SNTG1: variants seen among roughly 807,000 people sequenced by gnomAD.
The protein encoded by SNTG1 is syntrophin gamma 1.
SNTG1 carries 39 observed loss-of-function variants against 74.7 expected under a neutral mutation model. The ratio of observed to expected loss-of-function variants is 0.52; its 90% CI spans 0.40 to 0.68. The LOEUF (loss-of-function observed/expected upper bound fraction) is 0.68, where lower values mean the gene tolerates loss of function less well. Ranked by LOEUF, SNTG1 falls within the 30% of genes least tolerant of loss-of-function variation. SNTG1 has a pLI of 0.00. For synonymous variants in SNTG1, 254 were observed against 217.1 expected (o/e 1.17, Z -1.49); for missense variants, 685 against 609.5 (o/e 1.12, Z -1.30).
intron 13 of SNTG1, among the ~76,000 whole-genome samples, chr8:50,599,036 C>CTT (rs2094753197): frequency 6.6e-6 from 1 of 151,918 alleles, no homozygotes; most frequent in Non-Finnish European, 1.5e-5. Context: ...TTAATATAGG[C>CTT]ATGCAATGCA....
intron 2 of SNTG1, among the ~76,000 whole-genome samples, chr8:50,253,000 T>C (rs569491214): frequency 6.6e-6 from 1 of 152,264 alleles, no homozygotes; most frequent in African/African-American, 2.4e-5. Flanking sequence ...CCAAGTAGAA[T>C]GTCTATTATA....
intron 1 of SNTG1, among the ~76,000 whole-genome samples, chr8:50,098,258 A>T (rs953119532): frequency 6.6e-6 from 1 of 152,164 alleles, no homozygotes; most frequent in East Asian, 1.9e-4. Context: ...ATTTATCCCA[A>T]TTTCATGAAT....
At chr8:50,437,545 G>A (rs985289553) in intron 4 of SNTG1, among the ~76,000 whole-genome samples, 4 of 152,110 alleles carry the variant, frequency 2.6e-5, no homozygotes, top group Non-Finnish European at 5.9e-5. Flanking sequence ...AATGAGGGAA[G>A]CAATTCATCT....
In SNTG1 at chr8:50,510,905, C is replaced by T. The variant is rs566334078; in HGVS notation, c.466+8025C>T. Among the ~76,000 whole-genome samples, 35 of 152,188 alleles carry T rather than the reference C, an allele frequency of 2.3e-4. No homozygotes were observed. In the South Asian group the frequency reaches 7.3e-3, roughly 32 times the overall value. On this transcript the variant is annotated intron_variant, in intron 9 of 18. Transcript: ENST00000642720. ...TGATTTTTTGAACAGTTTTTTGTGT[C>T]TCTATTTCCTTCATTTCTGCTCTGA...
intron 1 of SNTG1, among the ~76,000 whole-genome samples, chr8:49,960,332 A>G (rs1414482277): frequency 6.6e-6 from 1 of 152,228 alleles, no homozygotes; most frequent in African/African-American, 2.4e-5. Flanking sequence ...AAAGGCAATT[A>G]CAACTGTATT....
At chr8:50,413,196 G>T (rs148893930) in intron 4 of SNTG1, among the ~76,000 whole-genome samples, 11 of 152,130 alleles carry the variant, frequency 7.2e-5, no homozygotes, top group Admixed American at 7.2e-4. Flanking sequence ...AGTTCAAGAG[G>T]GTTATGATCA....
intron 8 of SNTG1, among the ~76,000 whole-genome samples, chr8:50,489,273 TC>T (rs1216804410): frequency 4.6e-5 from 7 of 152,230 alleles, no homozygotes; most frequent in African/African-American, 1.7e-4. Flanking sequence ...TGATTTCTAA[TC>T]CTTTGGTTAT....
At chr8:50,187,886 G>A (rs2083439803) in intron 2 of SNTG1, among the ~76,000 whole-genome samples, 1 of 152,132 alleles carries the variant, frequency 6.6e-6, no homozygotes, top group African/African-American at 2.4e-5. Context: ...CAGGCAGCTG[G>A]CTGATCACCC....
chr8:50,515,862 G>A (rs1021267409), intron 9 of SNTG1, among the ~76,000 whole-genome samples: 29 of 152,156 alleles, frequency 1.9e-4, no homozygotes, highest in South Asian at 8.3e-4. Context: ...GGGAAGGGGC[G>A]GCTGTGGGCA....
At chr8:50,306,048 C>T (rs1405934866) in intron 2 of SNTG1, among the ~76,000 whole-genome samples, 1 of 148,370 alleles carries the variant, frequency 6.7e-6, no homozygotes, top group Admixed American at 6.7e-5. Flanking sequence ...TACCCCCCTC[C>T]CACCCTCCCC....
chr8:50,291,413 G>C (rs910264305), intron 2 of SNTG1, among the ~76,000 whole-genome samples: 5 of 152,140 alleles, frequency 3.3e-5, no homozygotes, highest in Middle Eastern at 3.4e-3. Context: ...TGAATCAAGT[G>C]GGGTAACTAT....
At chr8:50,281,075 C>T (rs1170112784) in intron 2 of SNTG1, among the ~76,000 whole-genome samples, 1 of 151,834 alleles carries the variant, frequency 6.6e-6, no homozygotes, top group Non-Finnish European at 1.5e-5. Flanking sequence ...TTTAATTTCC[C>T]CATTAGAAGA....
At chr8:50,510,197 G>C (rs879723971) in intron 9 of SNTG1, among the ~76,000 whole-genome samples, 5 of 152,158 alleles carry the variant, frequency 3.3e-5, no homozygotes, top group Admixed American at 1.3e-4. Flanking sequence ...TGTTGGTTCT[G>C]TTTATATGCT....
chr8:50,039,278 A>C lies in SNTG1; in HGVS notation c.-103+127047A>C, dbSNP rs185069387. Among the ~76,000 whole-genome samples, 5 of 152,136 alleles carry C rather than the reference A, an allele frequency of 3.3e-5. No homozygotes were observed. In the East Asian group the frequency reaches 9.7e-4, roughly 30 times the overall value. ...AGACCATCCTGGCTAACACGGTGAA[A>C]TACTGTGTCTACTAAAAATGCAAAA... On this transcript the variant is annotated intron_variant, in intron 1 of 18. Coordinates refer to ENST00000642720, the MANE Select transcript of SNTG1 (RefSeq NM_018967.5).
At chr8:50,767,192 A>G (rs1448149946) in intron 18 of SNTG1, among the ~76,000 whole-genome samples, 1 of 151,962 alleles carries the variant, frequency 6.6e-6, no homozygotes, top group Non-Finnish European at 1.5e-5. Flanking sequence ...TCCCAGGGCA[A>G]ATACATCATA....
At chr8:50,489,951 G>A (rs2093836486) in intron 8 of SNTG1, among the ~76,000 whole-genome samples, 1 of 152,132 alleles carries the variant, frequency 6.6e-6, no homozygotes, top group African/African-American at 2.4e-5. Flanking sequence ...TATGTGTTAG[G>A]TGTAAGCAAG....
At chr8:50,286,244 G>T (rs1413620303) in intron 2 of SNTG1, among the ~76,000 whole-genome samples, 5 of 152,122 alleles carry the variant, frequency 3.3e-5, no homozygotes, top group African/African-American at 1.2e-4. Context: ...TGCTAGAATG[G>T]CAGATCTTTA....
chr8:50,717,193 T>G, intron 17 of SNTG1, among the ~76,000 whole-genome samples: 1 of 152,206 alleles, frequency 6.6e-6, no homozygotes, highest in Non-Finnish European at 1.5e-5. Context: ...TTAAATTTTA[T>G]GTCTTGTTTT....
At chr8:50,601,282 T>A (rs1053010165) in intron 13 of SNTG1, among the ~76,000 whole-genome samples, 5 of 151,740 alleles carry the variant, frequency 3.3e-5, no homozygotes, top group Non-Finnish European at 7.4e-5. Context: ...TCCTCTTAGC[T>A]CTGCTTTTGC....
Sources: allele counts gnomAD v4.1 joint callset (sites outside exome capture counted in the v4.1 genomes callset), GRCh38; gene constraint gnomAD v4.1.1; transcripts MANE v1.5; gene names NCBI Gene and HGNC (gene_info 2026-07-23, HGNC 2026-07-21).